CCPG1: variants seen among roughly 807,000 people sequenced by gnomAD.
CCPG1 encodes the protein cell cycle progression protein 1.
In CCPG1, 46 loss-of-function variants were observed where a neutral mutation model predicts 81.3. That is an observed-to-expected ratio of 0.57 (90% CI 0.45 to 0.72). The LOEUF is 0.72. Ranked by LOEUF, CCPG1 falls within the 30% of genes least tolerant of loss-of-function variation. The pLI is 0.00. For missense variants in CCPG1, 902 were observed against 937.6 expected (o/e 0.96, Z 0.50); for synonymous variants, 330 against 305.2 (o/e 1.08, Z -0.85).
At chr15:55,370,421 C>T (rs1457478719) in intron 6 of CCPG1, among the ~76,000 whole-genome samples, 1 of 152,112 alleles carries the variant, frequency 6.6e-6, no homozygotes, top group African/African-American at 2.4e-5. Flanking sequence ...TGTCTCTACC[C>T]CAAATTCCAA....
At chr15:55,377,481 C>G (rs906499630) in intron 4 of CCPG1, among the ~76,000 whole-genome samples, 3 of 152,180 alleles carry the variant, frequency 2.0e-5, no homozygotes, top group African/African-American at 7.2e-5. Flanking sequence ...GAGCACAACT[C>G]TGTAGTGTGG....
At chr15:55,373,881 T>C (rs1308144834) in intron 5 of CCPG1, among the ~76,000 whole-genome samples, 1 of 152,252 alleles carries the variant, frequency 6.6e-6, no homozygotes, top group African/African-American at 2.4e-5. Flanking sequence ...AATATATTCA[T>C]GTCCTTATCT....
chr15:55,361,903 GAC>G (rs1393628049), intron 7 of CCPG1, among the ~76,000 whole-genome samples: 4 of 152,062 alleles, frequency 2.6e-5, no homozygotes, highest in Non-Finnish European at 4.4e-5. Context: ...CATGTTAGAA[GAC>G]AGACTGAATC....
intron 3 of CCPG1, among the ~76,000 whole-genome samples, chr15:55,378,607 T>A (rs1055595588): frequency 3.0e-5 from 2 of 66,576 alleles, no homozygotes; most frequent in Non-Finnish European, 9.8e-5. Flanking sequence ...TCATTTAAGA[T>A]TTTTTTTTTT....
Position 55,359,066 on chromosome 15 carries a change from C to A in CCPG1, c.2234+473G>T, listed in dbSNP as rs977123217. On this transcript the variant is annotated intron_variant, in intron 8 of 8. Transcript: ENST00000442196. ...TATGTGACTAAGTATCATAACTAAG[C>A]TGGTACATGGAATGGACAAGTGAAA... 5.1e-6 allele frequency: 5 copies of A among 984,806 alleles called. No homozygotes were observed. In the African/African-American group the frequency reaches 8.7e-5, roughly 17 times the overall value. 61.0% of individuals were successfully genotyped at this position (984,806 alleles called of 1,614,324 possible).
chr15:55,400,715 T>C (rs144163232), intron 1 of CCPG1, among the ~76,000 whole-genome samples: 1 of 152,324 alleles, frequency 6.6e-6, no homozygotes, highest in Non-Finnish European at 1.5e-5. Context: ...TCCGCTCATC[T>C]CATGAGCAAA....
chr15:55,375,449 A>C (rs1369726343), intron 5 of CCPG1, among the ~76,000 whole-genome samples: 1 of 152,134 alleles, frequency 6.6e-6, no homozygotes, highest in Admixed American at 6.5e-5. Flanking sequence ...GTTTAAAAAA[A>C]TAATAATAAA....
intron 3 of CCPG1, among the ~76,000 whole-genome samples, chr15:55,381,915 T>A (rs954716955): frequency 2.6e-5 from 4 of 152,208 alleles, no homozygotes; most frequent in Non-Finnish European, 5.9e-5. Flanking sequence ...GTCACATGAA[T>A]TTTTTGGTTT....
chr15:55,374,738 C>A (rs552794816), intron 5 of CCPG1, among the ~76,000 whole-genome samples: 1 of 152,326 alleles, frequency 6.6e-6, no homozygotes, highest in African/African-American at 2.4e-5. Flanking sequence ...TCAAGAGATT[C>A]TCCTGCCTCA....
chr15:55,394,626 T>C (rs185475878), intron 1 of CCPG1, among the ~76,000 whole-genome samples: 1 of 152,280 alleles, frequency 6.6e-6, no homozygotes, highest in Admixed American at 6.5e-5. Context: ...CTTTGTTTAC[T>C]TCCTTCAAGG....
At chr15:55,366,308 A>G (rs930221296) in intron 6 of CCPG1, among the ~76,000 whole-genome samples, 5 of 147,832 alleles carry the variant, frequency 3.4e-5, no homozygotes, top group African/African-American at 1.2e-4. Flanking sequence ...AAAAATGAAA[A>G]TTTTTTTTTT....
At chr15:55,374,175 G>A in intron 5 of CCPG1, 1 of 1,288,990 alleles carries the variant, frequency 7.8e-7, no homozygotes, top group South Asian at 1.2e-5. Flanking sequence ...GAGTTGGCTA[G>A]GAACATGGTG....
chr15:55,405,051 C>G (rs1017816163), intron 1 of CCPG1, among the ~76,000 whole-genome samples: 1 of 151,952 alleles, frequency 6.6e-6, no homozygotes, highest in Admixed American at 6.6e-5. Flanking sequence ...ATGGCAAAAC[C>G]CAGTCTCTAC....
At chr15:55,381,732 A>T (rs146576938) in intron 3 of CCPG1, among the ~76,000 whole-genome samples, 17 of 152,236 alleles carry the variant, frequency 1.1e-4, no homozygotes, top group Admixed American at 1.1e-3. Flanking sequence ...AAATATGAAC[A>T]TAAGTGTATG....
intron 5 of CCPG1, among the ~76,000 whole-genome samples, chr15:55,376,665 A>G (rs991000155): frequency 3.3e-5 from 5 of 152,220 alleles, no homozygotes; most frequent in Non-Finnish European, 7.3e-5. Flanking sequence ...AAAAGCACCA[A>G]AAGAATTTTG....
intron 1 of CCPG1, among the ~76,000 whole-genome samples, chr15:55,396,689 G>A (rs2057023201): frequency 1.3e-5 from 2 of 152,184 alleles, no homozygotes; most frequent in South Asian, 4.1e-4. Context: ...GATTTATGCT[G>A]GGATAGAGAA....
intron 8 of CCPG1, chr15:55,358,281 T>TATATATAG (rs2056122791): frequency 3.1e-6 from 2 of 650,276 alleles, no homozygotes; most frequent in Non-Finnish European, 3.8e-6. Context: ...TCATGCATAG[T>TATATATAG]ATATATAGAA....
chr15:55,399,594 T>C (rs767088524), intron 1 of CCPG1, among the ~76,000 whole-genome samples: 6 of 151,772 alleles, frequency 4.0e-5, no homozygotes, highest in African/African-American at 2.4e-5. Flanking sequence ...GTCAACCAAA[T>C]TGAATTCACA....
intron 7 of CCPG1, among the ~76,000 whole-genome samples, chr15:55,361,467 G>T (rs1330799895): frequency 6.6e-6 from 1 of 151,622 alleles, no homozygotes; most frequent in Non-Finnish European, 1.5e-5. Flanking sequence ...CAGCACTTTG[G>T]GAGGCTGAGG....
Sources: allele counts gnomAD v4.1 joint callset (sites outside exome capture counted in the v4.1 genomes callset), GRCh38; gene constraint gnomAD v4.1.1; transcripts MANE v1.5; gene names NCBI Gene and HGNC (gene_info 2026-07-23, HGNC 2026-07-21).